The following BLOC1S2 variants were observed in gnomAD, a reference collection of about 807,000 sequenced individuals.
BLOC1S2 encodes the protein biogenesis of lysosome-related organelles complex 1 subunit 2.
BLOC1S2 carries 12 observed loss-of-function variants against 19.6 expected under a neutral mutation model. That is an observed-to-expected ratio of 0.61 (90% confidence interval 0.39 to 0.99). BLOC1S2 has a LOEUF of 0.99. Among genes scored for constraint, BLOC1S2 ranks in the 50% least tolerant of loss-of-function variants. BLOC1S2 has a pLI of 0.00. For missense variants in BLOC1S2, 142 were observed against 171.0 expected (o/e 0.83, Z 0.95); for synonymous variants, 66 against 64.1 (o/e 1.03, Z -0.14).
rs1481965791 is a variant in BLOC1S2, at chr10:100,277,911, G to A, written c.397+2213C>T. Among the ~76,000 whole-genome samples, 135 of 83,316 alleles carry A rather than the reference G, an allele frequency of 1.6e-3. 1 individual carries two copies. Among genetic ancestry groups the A allele is most frequent in the East Asian group, 0.012 (31 of 2,606 alleles). The allele number at this position is 83,316 out of a possible 152,430, so 54.7% of individuals were successfully genotyped here. ...GGGTCAGCCCCCCGCCTGGCCAGCC[G>A]CCCCGTCCGGGAGGTGAGGGGCGCC... On this transcript the variant is annotated intron_variant, in intron 4 of 4. Transcript: ENST00000370372.
chr10:100,275,467 G>A lies in BLOC1S2; in HGVS notation c.424C>T (p.Arg142Ter). 4 of 1,600,306 alleles carry A rather than the reference G, an allele frequency of 2.5e-6. No individual in the cohort carries two copies. The highest frequency in any genetic ancestry group is 2.2e-5 in the East Asian group (1 of 44,782). ...LEAKYKKLEK[R>*] ...GTCCCATAGAAATAAGTTTCTCATC[G>A]CTTCTCCAGCTTCTTGTACTTGGCT... is the stretch of plus-strand genomic sequence containing the variant. Residue 142 changes from arginine to a stop codon, truncating the protein, a stop_gained, in exon 5 of 5, where the codon CGA becomes TGA. Transcript: ENST00000370372. LOFTEE classifies it high-confidence loss of function.
chr10:100,282,281 G>C (rs890577827), intron 2 of BLOC1S2, among the ~76,000 whole-genome samples: 3 of 152,148 alleles, frequency 2.0e-5, no homozygotes, highest in Non-Finnish European at 4.4e-5. Context: ...TAAACAATTT[G>C]AAAAAGTAGC....
At chr10:100,285,425 C>T (rs1848210604) in intron 2 of BLOC1S2, among the ~76,000 whole-genome samples, 1 of 152,128 alleles carries the variant, frequency 6.6e-6, no homozygotes, top group Non-Finnish European at 1.5e-5. Flanking sequence ...CCACGGCCGG[C>T]TAATTTTTGT....
In BLOC1S2 at chr10:100,286,664, G is replaced by T. The variant is rs374494450; in HGVS notation, c.-5C>A. On this transcript the variant is annotated 5_prime_UTR_variant, in exon 1 of 5. Coordinates refer to ENST00000370372, the MANE Select transcript of BLOC1S2 (RefSeq NM_173809.5). ...GCCCTCGGCTGCCGCCGCCATAGCG[G>T]ACCCCGCGCTGTTTCCGGGCCGGGG... 23 of 1,609,958 alleles carry T rather than the reference G, an allele frequency of 1.4e-5. No individual in the cohort carries two copies. The highest frequency in any genetic ancestry group is 1.9e-5 in the Non-Finnish European group (22 of 1,178,144).
chr10:100,278,122 G>A (rs1380496814), intron 4 of BLOC1S2, among the ~76,000 whole-genome samples: 1 of 112,890 alleles, frequency 8.9e-6, no homozygotes, highest in Non-Finnish European at 1.8e-5. Flanking sequence ...GGCGGTCAGC[G>A]CCCCCTCCCG....
At chr10:100,277,445 C>T (rs1466278629) in intron 4 of BLOC1S2, among the ~76,000 whole-genome samples, 2 of 143,672 alleles carry the variant, frequency 1.4e-5, no homozygotes, top group African/African-American at 2.6e-5. Flanking sequence ...CCACCCCGTC[C>T]GGGAGGGAGG....
chr10:100,286,652 G>A lies in BLOC1S2; in HGVS notation c.8C>T (p.Ala3Val). 2 of 1,610,084 alleles carry A rather than the reference G, an allele frequency of 1.2e-6. No individual in the cohort carries two copies. The highest frequency in any genetic ancestry group is 1.7e-6 in the Non-Finnish European group (2 of 1,178,330). Reference sequence around the variant, plus strand: ...GGTCGCCAGTACGCCCTCGGCTGCCGCCGCCATAGCGGACCCCGCGCTGTT... The same window carrying A: ...GGTCGCCAGTACGCCCTCGGCTGCCACCGCCATAGCGGACCCCGCGCTGTT... MA[A>V]AAEGVLATRS... Residue 3 changes from alanine to valine, a missense_variant, in exon 1 of 5, where the codon GCG (alanine) becomes GTG (valine). Coordinates refer to ENST00000370372, the MANE Select transcript of BLOC1S2 (RefSeq NM_173809.5).
intron 4 of BLOC1S2, among the ~76,000 whole-genome samples, chr10:100,276,882 C>A (rs1360969212): frequency 6.6e-6 from 1 of 152,044 alleles, no homozygotes; most frequent in Non-Finnish European, 1.5e-5. Context: ...CCTGCCTTGG[C>A]CCCCCCAAAG....
rs1847803831 is a variant in BLOC1S2, at chr10:100,274,520, A to T, written c.*942T>A. 1 of 154,382 alleles carries T rather than the reference A, an allele frequency of 6.5e-6. No homozygotes were observed. Among genetic ancestry groups the T allele is most frequent in the Admixed American group, 6.5e-5 (1 of 15,332 alleles). 9.6% of individuals were successfully genotyped at this position (154,382 alleles called of 1,614,324 possible). On this transcript the variant is annotated 3_prime_UTR_variant, in exon 5 of 5. Transcript: ENST00000370372. ...AAACAGAAGTAAGAAACTCTTTGGG[A>T]TATGTAATTGGGGACCTCAGACACC...
chr10:100,277,438 C>T (rs1318739737), intron 4 of BLOC1S2, among the ~76,000 whole-genome samples: 3 of 147,026 alleles, frequency 2.0e-5, no homozygotes, highest in African/African-American at 5.0e-5. Flanking sequence ...CAGCCAGCCA[C>T]CCCGTCCGGG....
chr10:100,283,620 C>T (rs1452574204), intron 2 of BLOC1S2, among the ~76,000 whole-genome samples: 1 of 152,142 alleles, frequency 6.6e-6, no homozygotes, highest in Admixed American at 6.5e-5. Flanking sequence ...CCTGTAATCC[C>T]AGCACTTTGG....
intron 4 of BLOC1S2, among the ~76,000 whole-genome samples, chr10:100,279,516 C>T (rs112552519): frequency 0.062 from 9,466 of 152,000 alleles, 959 homozygotes; most frequent in African/African-American, 0.22. Flanking sequence ...GGGCGGATCA[C>T]GAGGTCAGGA....
chr10:100,286,568 C>A, intron 1 of BLOC1S2, 37 bp downstream of exon 1: 3 of 1,611,450 alleles, frequency 1.9e-6, no homozygotes, highest in Non-Finnish European at 2.5e-6. Flanking sequence ...GCCCCAGGCC[C>A]CCCACCGGAC....
intron 4 of BLOC1S2, among the ~76,000 whole-genome samples, chr10:100,277,374 T>G (rs1372871321): frequency 6.3e-4 from 68 of 107,516 alleles, no homozygotes; most frequent in South Asian, 1.6e-3. Context: ...GTCCGGGAGG[T>G]GAGGGGCGCC....
At chr10:100,275,788 A>T (rs979601850) in intron 4 of BLOC1S2, among the ~76,000 whole-genome samples, 2 of 152,196 alleles carry the variant, frequency 1.3e-5, no homozygotes, top group Non-Finnish European at 2.9e-5. Flanking sequence ...CACTTGACCT[A>T]TCGGGAGCCT....
intron 4 of BLOC1S2, among the ~76,000 whole-genome samples, chr10:100,277,734 C>T (rs1847953750): frequency 7.5e-6 from 1 of 134,218 alleles, no homozygotes. Flanking sequence ...CCCGGCCAGC[C>T]GCCCCGTCCG....
chr10:100,277,374 T>C (rs1372871321), intron 4 of BLOC1S2, among the ~76,000 whole-genome samples: 1 of 107,640 alleles, frequency 9.3e-6, no homozygotes. Flanking sequence ...GTCCGGGAGG[T>C]GAGGGGCGCC....
intron 4 of BLOC1S2, among the ~76,000 whole-genome samples, chr10:100,279,307 C>T (rs1848037183): frequency 6.6e-6 from 1 of 152,182 alleles, no homozygotes; most frequent in Admixed American, 6.5e-5. Context: ...TTCTCAACTA[C>T]AAATAAGAAC....
At chr10:100,285,702 A>G (rs61871345) in intron 2 of BLOC1S2, among the ~76,000 whole-genome samples, 51,829 of 151,976 alleles carry the variant, frequency 0.34, 10,968 homozygotes, top group Admixed American at 0.47. Context: ...CCGTTCCTCA[A>G]TTTCATTTCT....
Sources: allele counts gnomAD v4.1 joint callset (sites outside exome capture counted in the v4.1 genomes callset), GRCh38; gene constraint gnomAD v4.1.1; transcripts MANE v1.5; gene names NCBI Gene and HGNC (gene_info 2026-07-23, HGNC 2026-07-21).